The following LRP6 variants were observed in gnomAD, a reference collection of about 807,000 sequenced individuals.
LRP6 encodes the protein LDL receptor related protein 6.
Under a neutral mutation model 184.1 loss-of-function variants are expected in LRP6, and 43 were observed. That is an observed-to-expected ratio of 0.23 (90% CI 0.18 to 0.30). LRP6 has a LOEUF of 0.30. LRP6 is among the 10% of genes least tolerant of loss of function. The probability of loss-of-function intolerance (pLI) is 1.00; values close to 1 mark genes in which losing one functional copy is unlikely to be tolerated. For synonymous variants in LRP6, 719 were observed against 684.9 expected, an observed-to-expected ratio of 1.05 and a Z score of -0.78; for missense variants, 1,571 against 2,005.3, an observed-to-expected ratio of 0.78 and a Z score of 4.14.
intron 12 of LRP6, among the ~76,000 whole-genome samples, chr12:12,152,566 T>A (rs535860887): frequency 2.6e-5 from 4 of 152,314 alleles, no homozygotes; most frequent in African/African-American, 9.6e-5. Flanking sequence ...TTTGCAGATG[T>A]GAGCCACCAT....
At chr12:12,207,531 ATAATAT>A (rs1864096183) in intron 2 of LRP6, among the ~76,000 whole-genome samples, 1 of 151,886 alleles carries the variant, frequency 6.6e-6, no homozygotes, top group African/African-American at 2.4e-5. Flanking sequence ...AATAATAATA[ATAATAT>A]TAATAATAAT....
At chr12:12,135,445 T>TATC (rs1475327772) in intron 16 of LRP6, 145 bp from the exon 17 acceptor site, 2 of 431,908 alleles carry the variant, frequency 4.6e-6, no homozygotes, top group African/African-American at 4.0e-5. Context: ...TTTTTACTTT[T>TATC]ATTATTATTA....
intron 2 of LRP6, among the ~76,000 whole-genome samples, chr12:12,230,981 G>A (rs1014335952): frequency 1.5e-4 from 22 of 151,652 alleles, no homozygotes; most frequent in African/African-American, 4.6e-4. Flanking sequence ...AGGAGTTCGC[G>A]ACCAGCCTGG....
At chr12:12,179,778 G>A (rs1565608625) in intron 7 of LRP6, 32 bp downstream of exon 7, 1 of 1,610,394 alleles carries the variant, frequency 6.2e-7, no homozygotes, top group Non-Finnish European at 8.5e-7. Flanking sequence ...CATTATAAAA[G>A]TGGCTTGAAA....
chr12:12,119,986 ACAAAATATATATATATATATAT>A lies in LRP6; in HGVS notation c.*1118_*1139del, dbSNP rs1267713834. On this transcript the variant is annotated 3_prime_UTR_variant, in exon 23 of 23. Coordinates refer to ENST00000261349, the MANE Select transcript of LRP6 (RefSeq NM_002336.3). ...TTTTACTCAGAAAACAAACAAACAAACAAAATATATATATATATATATATATATATATATATATATATATATA... is the reference window on the plus strand; with the variant it reads ...TTTTACTCAGAAAACAAACAAACAAAATATATATATATATATATATATATA... 6.2e-4 allele frequency: 68 copies of A among 109,556 alleles called. No homozygotes were observed. The highest frequency in any genetic ancestry group is 2.2e-3 in the African/African-American group (66 of 29,860). 6.8% of individuals were successfully genotyped at this position (109,556 alleles called of 1,614,324 possible).
intron 2 of LRP6, among the ~76,000 whole-genome samples, chr12:12,219,603 T>A (rs1434803005): frequency 2.6e-5 from 4 of 152,172 alleles, no homozygotes; most frequent in Non-Finnish European, 4.4e-5. Context: ...AGCAAAGATA[T>A]CCACAAATCC....
chr12:12,233,373 C>T (rs1285250473), intron 2 of LRP6, among the ~76,000 whole-genome samples: 1 of 152,116 alleles, frequency 6.6e-6, no homozygotes, highest in African/African-American at 2.4e-5. Context: ...GAGGCTGAGA[C>T]AGGAGAATGG....
rs147364276 is a variant in LRP6, at chr12:12,266,861, A to G, written c.-126T>C. The G allele has an allele frequency of 1.8e-4, 150 of 822,568 alleles. No individual in the cohort carries two copies. Among genetic ancestry groups the G allele is most frequent in the African/African-American group, 1.8e-3 (107 of 58,680 alleles). 51.0% of individuals were successfully genotyped at this position (822,568 alleles called of 1,614,324 possible). On this transcript the variant is annotated 5_prime_UTR_variant, in exon 1 of 23. Coordinates refer to ENST00000261349, the MANE Select transcript of LRP6 (RefSeq NM_002336.3). Reference sequence around the variant, plus strand: ...ATACTTCCCAGCTTCCCAGCGAGAGAAGAAAGAAAGGGGCACGTCAAGGTT... The same window carrying G: ...ATACTTCCCAGCTTCCCAGCGAGAGGAGAAAGAAAGGGGCACGTCAAGGTT...
intron 15 of LRP6, 71 bp from the exon 16 acceptor site, chr12:12,138,605 G>T: frequency 7.2e-7 from 1 of 1,386,228 alleles, no homozygotes; most frequent in African/African-American, 1.4e-5. Flanking sequence ...ATTATTTACT[G>T]ACTACCAGTT....
At chr12:12,198,167 T>C (rs547049098) in intron 3 of LRP6, among the ~76,000 whole-genome samples, 21 of 152,320 alleles carry the variant, frequency 1.4e-4, no homozygotes, top group African/African-American at 4.8e-4. Flanking sequence ...TCCACCCACC[T>C]TGGCCTCCCA....
At chr12:12,165,758 T>A (rs1055157508) in intron 7 of LRP6, among the ~76,000 whole-genome samples, 5 of 152,222 alleles carry the variant, frequency 3.3e-5, no homozygotes, top group Non-Finnish European at 7.3e-5. Context: ...ACAGTTGATG[T>A]CTTTTTCAGG....
chr12:12,254,765 C>T (rs889168080), intron 1 of LRP6, among the ~76,000 whole-genome samples: 3 of 152,150 alleles, frequency 2.0e-5, no homozygotes, highest in African/African-American at 7.2e-5. Context: ...GGAAAACTGG[C>T]CTGGTAACTG....
chr12:12,188,617 A>C (rs1863538157), intron 3 of LRP6, among the ~76,000 whole-genome samples: 1 of 152,168 alleles, frequency 6.6e-6, no homozygotes, highest in Non-Finnish European at 1.5e-5. Context: ...AAGCATTATA[A>C]ATTCAGACAA....
chr12:12,257,060 A>G (rs939267747), intron 1 of LRP6, among the ~76,000 whole-genome samples: 1 of 152,188 alleles, frequency 6.6e-6, no homozygotes, highest in African/African-American at 2.4e-5. Context: ...AGAGTAAGCA[A>G]ATCCATAGAG....
chr12:12,147,255 T>A, intron 15 of LRP6, 111 bp downstream of exon 15: 2 of 1,197,632 alleles, frequency 1.7e-6, no homozygotes, highest in Non-Finnish European at 2.4e-6. Context: ...CTACATTTAA[T>A]GAATAAAACT....
intron 18 of LRP6, among the ~76,000 whole-genome samples, chr12:12,131,097 ATTTTTTTTTTT>A (rs35705276): frequency 1.0e-4 from 8 of 78,150 alleles, no homozygotes; most frequent in Non-Finnish European, 1.3e-4. Flanking sequence ...ATTTCCTAAC[ATTTTTTTTTTT>A]TTTTTTTTTT....
intron 2 of LRP6, among the ~76,000 whole-genome samples, chr12:12,237,724 G>A (rs181806784): frequency 1.3e-5 from 2 of 152,290 alleles, no homozygotes; most frequent in East Asian, 1.9e-4. Flanking sequence ...ACTGAGGAAC[G>A]TTCTACAAAT....
At chr12:12,194,760 TATA>T (rs1294327021) in intron 3 of LRP6, among the ~76,000 whole-genome samples, 2 of 152,156 alleles carry the variant, frequency 1.3e-5, no homozygotes, top group African/African-American at 4.8e-5. Flanking sequence ...TTTGAAATTA[TATA>T]ATGTTTTACC....
chr12:12,160,035 A>G (rs765483405), intron 10 of LRP6, 71 bp from the exon 11 acceptor site: 86 of 1,087,568 alleles, frequency 7.9e-5, no homozygotes, highest in Non-Finnish European at 1.1e-4. Flanking sequence ...ATATTCATGC[A>G]AAGTAACTAA....
Sources: gnomAD v4.1 joint callset for allele counts (sites outside exome capture counted in the v4.1 genomes callset) on GRCh38, gnomAD v4.1.1 for gene constraint, MANE v1.5 for transcripts, NCBI Gene and HGNC (gene_info 2026-07-23, HGNC 2026-07-21) for gene names.